NAA30: variants seen among roughly 807,000 people sequenced by gnomAD.
NAA30 encodes N-alpha-acetyltransferase 30.
In NAA30, 5 loss-of-function variants were observed where a neutral mutation model predicts 31.4. The observed-to-expected ratio is 0.16, with a 90% CI of 0.08 to 0.33. NAA30 has a LOEUF of 0.33. Among genes scored for constraint, NAA30 ranks in the 10% least tolerant of loss-of-function variants. The pLI, the probability that NAA30 is intolerant of heterozygous loss-of-function variation, is 1.00. For missense variants in NAA30, 428 were observed against 490.8 expected (o/e 0.87, Z 1.21); for synonymous variants, 222 against 207.1 (o/e 1.07, Z -0.62).
Position 57,409,465 on chromosome 14 carries a change from A to T in NAA30, c.1038A>T (p.Arg346Ser). ...LGFVRDKRLF[R>S]YYLNGVDALR... ...TTGTTCGAGATAAGAGGCTGTTCAGATACTATTTAAATGGAGTTGATGCAC... is the reference window on the plus strand; with the variant it reads ...TTGTTCGAGATAAGAGGCTGTTCAGTTACTATTTAAATGGAGTTGATGCAC... The change falls in exon 5 of 5, where the codon AGA becomes AGT. Residue 346 changes from arginine to serine, a missense_variant. Coordinates refer to ENST00000556492, the MANE Select transcript of NAA30 (RefSeq NM_001011713.3). 6.2e-7 allele frequency: 1 copy of T among 1,611,496 alleles called. No homozygotes were observed. The highest frequency in any genetic ancestry group is 1.1e-5 in the South Asian group (1 of 90,532).
At chr14:57,399,919 G>A in intron 4 of NAA30, 36 bp downstream of exon 4, 4 of 962,272 alleles carry the variant, frequency 4.2e-6, no homozygotes, top group Non-Finnish European at 6.5e-6. Flanking sequence ...TTTTTATCTG[G>A]GCATTATTCT....
rs1237341531 is a variant in NAA30, at chr14:57,414,566, T to G, written c.*5050T>G. On this transcript the variant is annotated 3_prime_UTR_variant, in exon 5 of 5. Transcript: ENST00000556492. ...CTTCTAAATGAGATTGGTCATCTCA[T>G]GAGTGGTCAAGTTGGAACATGGAGG... is the stretch of plus-strand genomic sequence containing the variant. The G allele has an allele frequency of 6.6e-6, 1 of 152,234 alleles. No individual in the cohort carries two copies. The highest frequency in any genetic ancestry group is 1.9e-4 in the East Asian group (1 of 5,200). The allele number at this position is 152,234 out of a possible 1,614,324, so 9.4% of individuals were successfully genotyped here.
rs1207359957 is a variant in NAA30 at position 57,412,906 on chromosome 14, T to G, written c.*3390T>G. The G allele has an allele frequency of 6.6e-6, 1 of 152,232 alleles. No individual in the cohort carries two copies. The highest frequency in any genetic ancestry group is 2.4e-5 in the African/African-American group (1 of 41,450). 9.4% of individuals were successfully genotyped at this position (152,232 alleles called of 1,614,324 possible). A position where few individuals can be genotyped will look rare whatever the true frequency, so the allele number is the denominator to read the frequency against. On this transcript the variant is annotated 3_prime_UTR_variant, in exon 5 of 5. Transcript: ENST00000556492. ...AGAAGTATTACATAATTGTCATCAC[T>G]GTTGTGTGTTCTGACAAAGTAAATT... is the stretch of plus-strand genomic sequence containing the variant.
Position 57,413,307 on chromosome 14 carries a change from A to T in NAA30, c.*3791A>T, listed in dbSNP as rs777719257. ...AACTGCTAAATTACTTTTATCATGC[A>T]TGCCAAATCTTTACATTATTCTTTA... On this transcript the variant is annotated 3_prime_UTR_variant, in exon 5 of 5. Transcript: ENST00000556492. The T allele has an allele frequency of 6.6e-6, 1 of 152,208 alleles. No homozygotes were observed. The highest frequency in any genetic ancestry group is 2.1e-4 in the South Asian group (1 of 4,828). 9.4% of individuals were successfully genotyped at this position (152,208 alleles called of 1,614,324 possible).
chr14:57,413,145 A>C lies in NAA30; in HGVS notation c.*3629A>C. The C allele has an allele frequency of 6.7e-6, 1 of 149,438 alleles. No individual in the cohort carries two copies. Among genetic ancestry groups the C allele is most frequent in the Admixed American group, 6.7e-5 (1 of 14,978 alleles). The allele number at this position is 149,438 out of a possible 1,614,324, so 9.3% of individuals were successfully genotyped here. A position where few individuals can be genotyped will look rare whatever the true frequency, so the allele number is the denominator to read the frequency against. ...CACCCCATCCCACCCTTGGTAAGAC[A>C]CCAAAGTAAAATAGAGCAATATCCA... On this transcript the variant is annotated 3_prime_UTR_variant, in exon 5 of 5. Coordinates refer to ENST00000556492, the MANE Select transcript of NAA30 (RefSeq NM_001011713.3).
rs1229992589 is a variant in NAA30, at chr14:57,415,282, A to G, written c.*5766A>G. Reference sequence around the variant, plus strand: ...TTGACCGAGGGATTTTAGTATAAGTATTTAGTGAGATTTGTATTCTAGGAA... The same window carrying G: ...TTGACCGAGGGATTTTAGTATAAGTGTTTAGTGAGATTTGTATTCTAGGAA... On this transcript the variant is annotated 3_prime_UTR_variant, in exon 5 of 5. Coordinates refer to ENST00000556492, the MANE Select transcript of NAA30 (RefSeq NM_001011713.3). 6.6e-6 allele frequency: 1 copy of G among 152,218 alleles called. No individual in the cohort carries two copies. The highest frequency in any genetic ancestry group is 1.5e-5 in the Non-Finnish European group (1 of 68,024). The allele number at this position is 152,218 out of a possible 1,614,324, so 9.4% of individuals were successfully genotyped here. A position where few individuals can be genotyped will look rare whatever the true frequency, so the allele number is the denominator to read the frequency against.
At position 57,391,940 on chromosome 14, in the gene NAA30, C is replaced by A. The variant is rs2066429916; in HGVS notation, c.771+212C>A. Among the ~76,000 whole-genome samples, 1 of 152,224 alleles carries A rather than the reference C, an allele frequency of 6.6e-6. No individual in the cohort carries two copies. Among genetic ancestry groups the A allele is most frequent in the Non-Finnish European group, 1.5e-5 (1 of 68,044 alleles). On this transcript the variant is annotated intron_variant, in intron 2 of 4. Coordinates refer to ENST00000556492, the MANE Select transcript of NAA30 (RefSeq NM_001011713.3). The surrounding 1 kb of genome is among the most constrained non-coding windows in gnomAD (Gnocchi z 4.1). ...TCGGGTTAACGTGATACTAGTGTAA[C>A]TGCAGCAAGCCTGTATGGTGGCGTG...
chr14:57,391,700 TCCACAACTGG>T lies in NAA30; in HGVS notation c.749_758del (p.Asn250SerfsTer8). 1 of 1,611,592 alleles carries T rather than the reference TCCACAACTGG, an allele frequency of 6.2e-7. No homozygotes were observed. The highest frequency in any genetic ancestry group is 8.5e-7 in the Non-Finnish European group (1 of 1,178,590). ...TCCATTTATACCTATAGATATTTTA[TCCACAACTGG>T]CCACAGCTGTGCTTCTTGGTAAGTG... On this transcript the variant is annotated frameshift_variant, in exon 2 of 5. Coordinates refer to ENST00000556492, the MANE Select transcript of NAA30 (RefSeq NM_001011713.3). LOFTEE classifies it high-confidence loss of function. This position sits in a 1 kb window ranked among gnomAD's most constrained non-coding sequence, Gnocchi z 4.1.
intron 3 of NAA30, among the ~76,000 whole-genome samples, chr14:57,398,171 A>G (rs548674869): frequency 6.6e-6 from 1 of 152,284 alleles, no homozygotes; most frequent in Admixed American, 6.5e-5. Flanking sequence ...AGTAACTATA[A>G]ATAGGTTTAC....
chr14:57,407,046 A>G (rs566175303), intron 4 of NAA30, among the ~76,000 whole-genome samples: 1 of 152,068 alleles, frequency 6.6e-6, no homozygotes, highest in Non-Finnish European at 1.5e-5. Flanking sequence ...GGCACACACC[A>G]CCACACCTGG....
At position 57,402,102 on chromosome 14, in the gene NAA30, C is replaced by T. The variant is rs77223283; in HGVS notation, c.951+2219C>T. ...TATCTGTGTCCAGTGTTATTCAGAT[C>T]GAATAATTTGCCATACGAACTCTTG... On this transcript the variant is annotated intron_variant, in intron 4 of 4. Coordinates refer to ENST00000556492, the MANE Select transcript of NAA30 (RefSeq NM_001011713.3). Among the ~76,000 whole-genome samples, 345 of 152,268 alleles carry T rather than the reference C, an allele frequency of 2.3e-3. 8 individuals carry two copies. The East Asian group carries it at 0.056, about 25-fold the overall frequency.
intron 2 of NAA30, among the ~76,000 whole-genome samples, chr14:57,393,936 G>A (rs909961685): frequency 3.3e-5 from 5 of 152,080 alleles, no homozygotes; most frequent in African/African-American, 1.2e-4. Context: ...CTTCACCAAG[G>A]GACAGTTGCC....
At position 57,390,939 on chromosome 14, in the gene NAA30, G is replaced by T. The variant is rs753591691; in HGVS notation, c.-1-18G>T. 8 of 1,462,850 alleles carry T rather than the reference G, an allele frequency of 5.5e-6. No individual in the cohort carries two copies. The highest frequency in any genetic ancestry group is 3.0e-5 in the African/African-American group (2 of 67,080). 90.6% of individuals were successfully genotyped at this position (1,462,850 alleles called of 1,614,324 possible). On this transcript the variant is annotated intron_variant, in intron 1 of 4. Coordinates refer to ENST00000556492, the MANE Select transcript of NAA30 (RefSeq NM_001011713.3). ...GCCGGGTTTCATGGCCTCCCCTCTC[G>T]GTCTGTGTCGCTTCTAGGATGGCGG...
chr14:57,403,226 C>T (rs1399008828), intron 4 of NAA30, among the ~76,000 whole-genome samples: 4 of 98,676 alleles, frequency 4.1e-5, no homozygotes, highest in South Asian at 4.2e-4. Context: ...TACTGTGCTC[C>T]GTGGCCGGAA....
Position 57,408,070 on chromosome 14 carries a change from TG to T in NAA30, c.952-1307del, listed in dbSNP as rs1357400983. 2.0e-5 allele frequency among the ~76,000 whole-genome samples: 3 copies of T among 152,194 alleles called. No individual in the cohort carries two copies. The East Asian group carries it at 5.8e-4, about 29-fold the overall frequency. ...GAAGAGCAGATTATGAGTTCAATTTTGGATATAAGTTGAGGTACTGTCTTTA... is the reference window on the plus strand; with the variant it reads ...GAAGAGCAGATTATGAGTTCAATTTTGATATAAGTTGAGGTACTGTCTTTA... On this transcript the variant is annotated intron_variant, in intron 4 of 4. Coordinates refer to ENST00000556492, the MANE Select transcript of NAA30 (RefSeq NM_001011713.3).
In NAA30 at chr14:57,409,759, C is replaced by T. The variant is rs926264476; in HGVS notation, c.*243C>T. The stretch of plus-strand genomic sequence containing the variant: ...CCAACAAGATGTGCCAGTTGATAGC[C>T]AAGATTTATGTGTTCATTTGCAAAG... On this transcript the variant is annotated 3_prime_UTR_variant, in exon 5 of 5. Transcript: ENST00000556492. 2.8e-6 allele frequency: 1 copy of T among 357,152 alleles called. No individual in the cohort carries two copies. The highest frequency in any genetic ancestry group is 2.1e-5 in the African/African-American group (1 of 47,564). The allele number at this position is 357,152 out of a possible 1,614,324, so 22.1% of individuals were successfully genotyped here.
intron 3 of NAA30, among the ~76,000 whole-genome samples, chr14:57,397,079 A>G (rs1297391594): frequency 6.6e-6 from 1 of 152,210 alleles, no homozygotes; most frequent in Non-Finnish European, 1.5e-5. Context: ...GTTTTGTTTG[A>G]CAGTTTTTCG....
chr14:57,405,857 TTTTGTAATGG>T (rs1346730704), intron 4 of NAA30, among the ~76,000 whole-genome samples: 2 of 152,186 alleles, frequency 1.3e-5, no homozygotes, highest in African/African-American at 4.8e-5. Flanking sequence ...AGCAGTAATG[TTTTGTAATGG>T]TTTGGCTTAT....
At chr14:57,394,493 A>T (rs1181514850) in intron 2 of NAA30, among the ~76,000 whole-genome samples, 1 of 152,176 alleles carries the variant, frequency 6.6e-6, no homozygotes, top group African/African-American at 2.4e-5. Context: ...TTTTATTTGG[A>T]AAAATTGACA....
Sources: allele counts gnomAD v4.1 joint callset (sites outside exome capture counted in the v4.1 genomes callset), GRCh38; gene constraint gnomAD v4.1.1; non-coding constraint Gnocchi (gnomAD v3.1); transcripts MANE v1.5; gene names NCBI Gene and HGNC (gene_info 2026-07-23, HGNC 2026-07-21).